The following PKIB variants were observed in gnomAD, a reference collection of about 807,000 sequenced individuals.
The protein encoded by PKIB is PKI-beta.
In PKIB, 2 loss-of-function variants were observed where a neutral mutation model predicts 4.5. The ratio of observed to expected loss-of-function variants is 0.44; its 90% CI spans 0.18 to 1.39. The LOEUF (loss-of-function observed/expected upper bound fraction) is 1.39. PKIB is among the 40% of genes most tolerant of loss of function. The pLI is 0.27. For missense variants in PKIB, 94 were observed against 92.6 expected (o/e 1.02, Z -0.06); for synonymous variants, 38 against 36.0 (o/e 1.06, Z -0.20).
rs139532668 is a variant in PKIB, at chr6:122,570,700, C to T, written c.-247-15221C>T. Reference sequence around the variant, plus strand: ...AAATTAGCCTGCAATAAACTATAAACGTTAAAGTCAGATTCCTAAGAGGGA... The same window carrying T: ...AAATTAGCCTGCAATAAACTATAAATGTTAAAGTCAGATTCCTAAGAGGGA... On this transcript the variant is annotated intron_variant, in intron 2 of 6. Transcript: ENST00000392491. Among the ~76,000 whole-genome samples, 397 of 151,874 alleles carry T rather than the reference C, an allele frequency of 2.6e-3. 4 individuals are homozygous for T. In the Middle Eastern group the frequency reaches 0.071, roughly 27 times the overall value.
At chr6:122,657,359 A>G (rs1776812769) in intron 2 of PKIB, among the ~76,000 whole-genome samples, 1 of 152,132 alleles carries the variant, frequency 6.6e-6, no homozygotes, top group Admixed American at 6.5e-5. Context: ...CATTTTTTCA[A>G]AGTGGTTATT....
In PKIB at chr6:122,533,327, G is replaced by A. The variant is rs1358381428; in HGVS notation, c.-247-52594G>A. 3.9e-5 allele frequency among the ~76,000 whole-genome samples: 6 copies of A among 152,104 alleles called. No homozygotes were observed. In the East Asian group the frequency reaches 7.7e-4, roughly 20 times the overall value. On this transcript the variant is annotated intron_variant, in intron 2 of 6. Coordinates refer to the PKIB transcript ENST00000392491. ...TGGGACTATAGGCGTATACCACCGT[G>A]CCTAGCTAATTTGTGTATTTTTTGT... is the stretch of plus-strand genomic sequence containing the variant.
At chr6:122,556,449 C>T (rs886067678) in intron 2 of PKIB, among the ~76,000 whole-genome samples, 1 of 152,180 alleles carries the variant, frequency 6.6e-6, no homozygotes, top group South Asian at 2.1e-4. Flanking sequence ...TTAGAAACAA[C>T]AAACTTCTTA....
intron 2 of PKIB, among the ~76,000 whole-genome samples, chr6:122,582,642 G>A (rs1168641430): frequency 6.6e-6 from 1 of 152,054 alleles, no homozygotes; most frequent in Non-Finnish European, 1.5e-5. Context: ...TCTTATAACA[G>A]AAGCTACCTT....
chr6:122,545,286 C>T (rs1772458239), intron 2 of PKIB, among the ~76,000 whole-genome samples: 1 of 151,946 alleles, frequency 6.6e-6, no homozygotes. Context: ...AGTATATATA[C>T]ATCATGGAAT....
chr6:122,519,445 C>T (rs922966913), intron 2 of PKIB, among the ~76,000 whole-genome samples: 2 of 152,040 alleles, frequency 1.3e-5, no homozygotes, highest in African/African-American at 4.8e-5. Context: ...CCAAAACCAC[C>T]CCCCACATCC....
intron 1 of PKIB, among the ~76,000 whole-genome samples, chr6:122,475,299 C>T (rs538846397): frequency 6.6e-6 from 1 of 152,328 alleles, no homozygotes; most frequent in African/African-American, 2.4e-5. Flanking sequence ...GAAACCACAT[C>T]TTCAGCATAA....
At chr6:122,545,871 A>G (rs768185046) in intron 2 of PKIB, among the ~76,000 whole-genome samples, 4 of 151,310 alleles carry the variant, frequency 2.6e-5, no homozygotes, top group African/African-American at 7.3e-5. Flanking sequence ...AGGTGAATAT[A>G]TGGTAGAAAG....
At chr6:122,583,598 C>T (rs1250894454) in intron 2 of PKIB, among the ~76,000 whole-genome samples, 1 of 152,000 alleles carries the variant, frequency 6.6e-6, no homozygotes, top group African/African-American at 2.4e-5. Context: ...TAAGAAAATC[C>T]CCTCACACTG....
At chr6:122,511,467 C>A (rs1458362001) in intron 2 of PKIB, among the ~76,000 whole-genome samples, 1 of 152,188 alleles carries the variant, frequency 6.6e-6, no homozygotes, top group Non-Finnish European at 1.5e-5. Flanking sequence ...CTCAGGAGTC[C>A]TTTGTCCATC....
At chr6:122,484,732 A>T (rs923127143) in intron 2 of PKIB, among the ~76,000 whole-genome samples, 5 of 152,204 alleles carry the variant, frequency 3.3e-5, no homozygotes, top group South Asian at 2.1e-4. Flanking sequence ...AAAACAACAT[A>T]TCACATCCCG....
chr6:122,538,561 A>G (rs1271601094), intron 2 of PKIB, among the ~76,000 whole-genome samples: 1 of 152,048 alleles, frequency 6.6e-6, no homozygotes, highest in Non-Finnish European at 1.5e-5. Context: ...TACCAGTACC[A>G]TGCTGTTTTG....
At chr6:122,616,451 T>C (rs1774992140) in intron 1 of PKIB, among the ~76,000 whole-genome samples, 1 of 152,046 alleles carries the variant, frequency 6.6e-6, no homozygotes, top group Non-Finnish European at 1.5e-5. Flanking sequence ...GGATTATAGG[T>C]GAAAGATGGA....
intron 3 of PKIB, among the ~76,000 whole-genome samples, chr6:122,594,694 G>GT (rs953118775): frequency 6.6e-6 from 1 of 152,090 alleles, no homozygotes; most frequent in Non-Finnish European, 1.5e-5. Flanking sequence ...ACAGGTCGTG[G>GT]TTTTTTTCCT....
rs549329287 is a variant in PKIB, at chr6:122,669,055, A to C, written c.-75-6023A>C. 2.0e-5 allele frequency among the ~76,000 whole-genome samples: 3 copies of C among 152,316 alleles called. No individual in the cohort carries two copies. In the South Asian group the frequency reaches 6.2e-4, roughly 32 times the overall value. The stretch of plus-strand genomic sequence containing the variant: ...TATATTGAGACCCCATTCCTATTAA[A>C]AAAACAAAACAAAACAAAAACAATC... On this transcript the variant is annotated intron_variant, in intron 2 of 4. Coordinates refer to ENST00000368452, the MANE Select transcript of PKIB (RefSeq NM_181795.3).
chr6:122,535,483 A>G (rs759259096), intron 2 of PKIB, among the ~76,000 whole-genome samples: 20 of 152,214 alleles, frequency 1.3e-4, no homozygotes, highest in Non-Finnish European at 2.6e-4. Context: ...GACAGCTATT[A>G]CATTTTGATT....
At chr6:122,520,661 T>TTCCCCCCCTC (rs1562237597) in intron 2 of PKIB, among the ~76,000 whole-genome samples, 1 of 55,546 alleles carries the variant, frequency 1.8e-5, no homozygotes, top group Non-Finnish European at 3.8e-5. Context: ...AAGTTTATGT[T>TTCCCCCCCTC]CCCACCCCCC....
At chr6:122,538,054 G>C (rs1420681583) in intron 2 of PKIB, among the ~76,000 whole-genome samples, 1 of 151,958 alleles carries the variant, frequency 6.6e-6, no homozygotes, top group African/African-American at 2.4e-5. Context: ...ATTTGTTTGA[G>C]TTCATTGTAG....
chr6:122,548,219 T>C (rs1158916262), intron 2 of PKIB, among the ~76,000 whole-genome samples: 1 of 152,228 alleles, frequency 6.6e-6, no homozygotes, highest in Non-Finnish European at 1.5e-5. Flanking sequence ...TGACTCATTT[T>C]CTGGTCAAAA....
Sources: allele counts gnomAD v4.1 joint callset (sites outside exome capture counted in the v4.1 genomes callset), GRCh38; gene constraint gnomAD v4.1.1; transcripts MANE v1.5; gene names NCBI Gene and HGNC (gene_info 2026-07-23, HGNC 2026-07-21).